Variants in GLP1R observed in about 807,000 individuals in gnomAD.
GLP1R encodes the protein glucagon like peptide 1 receptor, also known as glucagon-like peptide 1 receptor.
A neutral mutation model predicts 68.4 loss-of-function variants in GLP1R; 32 were observed. That is an observed-to-expected ratio of 0.47 (90% confidence interval 0.35 to 0.63). GLP1R has a LOEUF of 0.63. Among genes scored for constraint, GLP1R ranks in the 20% least tolerant of loss-of-function variants. The probability of loss-of-function intolerance (pLI) is 0.00; values close to 1 mark genes in which losing one functional copy is unlikely to be tolerated. For synonymous variants in GLP1R, 263 were observed against 244.4 expected (o/e 1.08, Z -0.71); for missense variants, 502 against 594.9 (o/e 0.84, Z 1.62).
At position 39,063,896 on chromosome 6, in the gene GLP1R, GTA is replaced by G. The variant is rs1491330376; in HGVS notation, c.284-1814_284-1813del. Among the ~76,000 whole-genome samples, 584 of 134,724 alleles carry G rather than the reference GTA, an allele frequency of 4.3e-3. 9 individuals are homozygous for G. The highest frequency in any genetic ancestry group is 0.016 in the African/African-American group (558 of 35,650). The allele number at this position is 134,724 out of a possible 152,430, so 88.4% of individuals were successfully genotyped here. The stretch of plus-strand genomic sequence containing the variant: ...CTGGGGCTGCCACAGTCCCCATCGT[GTA>G]CACACACACACACACACACAGACAC... On this transcript the variant is annotated intron_variant, in intron 3 of 12. Coordinates refer to ENST00000373256, the MANE Select transcript of GLP1R (RefSeq NM_002062.5).
rs759060644 is a variant in GLP1R at position 39,066,285 on chromosome 6, C to T, written c.491C>T (p.Ala164Val). Residue 164 changes from alanine to valine, a missense_variant, in exon 5 of 13, where the codon GCG (alanine) becomes GTG (valine). Transcript: ENST00000373256. ...TTCTCTGCTCTGGTTATCGCCTCTG[C>T]GATCCTCCTCGGCTTCAGGTAAGGT... The part of the protein sequence containing the change: ...LSFSALVIAS[A>V]ILLGFRHLHC... 38 of 1,606,606 alleles carry T rather than the reference C, an allele frequency of 2.4e-5. No homozygotes were observed. Among genetic ancestry groups the T allele is most frequent in the Admixed American group, 1.8e-4 (11 of 59,976 alleles).
rs557186712 is a variant in GLP1R, at chr6:39,066,314, C to G, written c.509+11C>G. 1.2e-4 allele frequency: 179 copies of G among 1,522,466 alleles called. No homozygotes were observed. The highest frequency in any genetic ancestry group is 7.0e-4 in the Admixed American group (42 of 59,750). 94.3% of individuals were successfully genotyped at this position (1,522,466 alleles called of 1,614,324 possible). ...CCTCCTCGGCTTCAGGTAAGGTGGCCCGGACCCTGGGAGGGGGCTGCTTCA... is the reference window on the plus strand; with the variant it reads ...CCTCCTCGGCTTCAGGTAAGGTGGCGCGGACCCTGGGAGGGGGCTGCTTCA... On this transcript the variant is annotated intron_variant, in intron 5 of 12. Transcript: ENST00000373256.
intron 7 of GLP1R, among the ~76,000 whole-genome samples, chr6:39,077,310 G>C (rs1768857512): frequency 6.6e-6 from 1 of 152,226 alleles, no homozygotes; most frequent in Non-Finnish European, 1.5e-5. Flanking sequence ...GAAGCAGCCA[G>C]CTGTCACCAG....
chr6:39,077,997 TC>T (rs1450641629), intron 7 of GLP1R, among the ~76,000 whole-genome samples: 1 of 152,040 alleles, frequency 6.6e-6, no homozygotes, highest in Non-Finnish European at 1.5e-5. Flanking sequence ...CATGGCCCAG[TC>T]CCGCTGCTGT....
chr6:39,081,575 C>T (rs1769014910), intron 12 of GLP1R, among the ~76,000 whole-genome samples: 1 of 152,206 alleles, frequency 6.6e-6, no homozygotes, highest in Non-Finnish European at 1.5e-5. Context: ...CCAAGGTACT[C>T]AGCTTTGGAA....
At chr6:39,067,119 T>A (rs1223594506) in intron 5 of GLP1R, among the ~76,000 whole-genome samples, 1 of 152,150 alleles carries the variant, frequency 6.6e-6, no homozygotes, top group African/African-American at 2.4e-5. Flanking sequence ...TGGGTAACCC[T>A]CTCTGATCCC....
rs1472964572 is a variant in GLP1R at position 39,088,645 on chromosome 6, G to A, written c.*2572G>A. Among the ~76,000 whole-genome samples, 2 of 152,156 alleles carry A rather than the reference G, an allele frequency of 1.3e-5. No individual in the cohort carries two copies. Among genetic ancestry groups the A allele is most frequent in the South Asian group, 4.1e-4 (2 of 4,824 alleles). On this transcript the variant is annotated 3_prime_UTR_variant, in exon 13 of 13. Coordinates refer to ENST00000373256, the MANE Select transcript of GLP1R (RefSeq NM_002062.5). ...GCTTGCATTTTGTCAATTTTTCTTT[G>A]CCATTTCAGTCTTTCAAGCAGCTGA...
rs142948442 is a variant in GLP1R, at chr6:39,088,216, G to C, written c.*2143G>C. Among the ~76,000 whole-genome samples, 1 of 151,978 alleles carries C rather than the reference G, an allele frequency of 6.6e-6. No homozygotes were observed. Among genetic ancestry groups the C allele is most frequent in the Non-Finnish European group, 1.5e-5 (1 of 67,996 alleles). ...CCCCTACACCCAAGTCTTTTAACAC[G>C]GAGGAAGTTTTTCCTTCATGAATAC... On this transcript the variant is annotated 3_prime_UTR_variant, in exon 13 of 13. Coordinates refer to ENST00000373256, the MANE Select transcript of GLP1R (RefSeq NM_002062.5).
At position 39,048,802 on chromosome 6, in the gene GLP1R, C is replaced by A. The variant is rs1035321675; in HGVS notation, c.-39C>A. 3 of 1,007,470 alleles carry A rather than the reference C, an allele frequency of 3.0e-6. No individual in the cohort carries two copies. The highest frequency in any genetic ancestry group is 3.3e-5 in the African/African-American group (2 of 59,788). The allele number at this position is 1,007,470 out of a possible 1,614,324, so 62.4% of individuals were successfully genotyped here. On this transcript the variant is annotated 5_prime_UTR_variant, in exon 1 of 13. Coordinates refer to ENST00000373256, the MANE Select transcript of GLP1R (RefSeq NM_002062.5). ...CGGGATCAGTCTCCGCACGCGGTTCCGCAGGTGGCAGCGATGGCCCAGTCC... is the reference window on the plus strand; with the variant it reads ...CGGGATCAGTCTCCGCACGCGGTTCAGCAGGTGGCAGCGATGGCCCAGTCC...
chr6:39,052,644 C>T (rs946679401), intron 1 of GLP1R, among the ~76,000 whole-genome samples: 12 of 152,290 alleles, frequency 7.9e-5, no homozygotes, highest in Admixed American at 5.9e-4. Flanking sequence ...CCCACCACCC[C>T]GGGGGCTTCC....
At chr6:39,053,190 C>T (rs753764308) in intron 1 of GLP1R, among the ~76,000 whole-genome samples, 2 of 152,212 alleles carry the variant, frequency 1.3e-5, no homozygotes, top group Non-Finnish European at 2.9e-5. Flanking sequence ...GGGACAGGGA[C>T]ATCTGGATTG....
intron 7 of GLP1R, among the ~76,000 whole-genome samples, chr6:39,075,829 C>T (rs1020746791): frequency 2.0e-5 from 3 of 152,218 alleles, no homozygotes; most frequent in Admixed American, 2.0e-4. Context: ...CTGCAGTCCC[C>T]AGGCAGTTGG....
rs1208963319 is a variant in GLP1R, at chr6:39,088,104, G to A, written c.*2031G>A. ...AGAAGTTGCTTAGTTAGGCACCTGG[G>A]AAGCTCAAATCATTTAGTTTAAACT... On this transcript the variant is annotated 3_prime_UTR_variant, in exon 13 of 13. Coordinates refer to ENST00000373256, the MANE Select transcript of GLP1R (RefSeq NM_002062.5). Among the ~76,000 whole-genome samples, 1 of 152,108 alleles carries A rather than the reference G, an allele frequency of 6.6e-6. No individual in the cohort carries two copies. Among genetic ancestry groups the A allele is most frequent in the East Asian group, 1.9e-4 (1 of 5,196 alleles).
intron 12 of GLP1R, among the ~76,000 whole-genome samples, 179 bp from the exon 13 acceptor site, chr6:39,085,727 A>G (rs970000012): frequency 2.0e-5 from 3 of 152,228 alleles, no homozygotes; most frequent in African/African-American, 7.2e-5. Context: ...TGCAGAAAAT[A>G]GGAGACAACA....
intron 1 of GLP1R, among the ~76,000 whole-genome samples, chr6:39,050,835 G>A (rs766631528): frequency 1.3e-5 from 2 of 152,172 alleles, no homozygotes; most frequent in Admixed American, 1.3e-4. Context: ...CCTGTATAAA[G>A]TAGCCCAGCA....
intron 4 of GLP1R, 63 bp downstream of exon 4, chr6:39,065,892 A>ATGT: frequency 1.0e-6 from 1 of 986,670 alleles, no homozygotes; most frequent in African/African-American, 1.6e-5. Flanking sequence ...ACTTCACTGG[A>ATGT]GCAAAGACCC....
In GLP1R at chr6:39,072,863, C is replaced by T. The variant is rs768340419; in HGVS notation, c.511C>T (p.His171Tyr). ...IASAILLGFRHLHCTRNYIHL... is the reference protein window; with the variant it reads ...IASAILLGFRYLHCTRNYIHL... ...GAAAGGCCCTGCTTTCTCCCTCAGA[C>T]ACCTGCACTGCACCAGGAACTACAT... The change falls in exon 6 of 13, where the codon CAC (histidine) becomes TAC (tyrosine). Residue 171 changes from histidine to tyrosine, a missense_variant and splice_region_variant. Coordinates refer to ENST00000373256, the MANE Select transcript of GLP1R (RefSeq NM_002062.5). 35 of 1,613,254 alleles carry T rather than the reference C, an allele frequency of 2.2e-5. No homozygotes were observed. Among genetic ancestry groups the T allele is most frequent in the Non-Finnish European group, 2.7e-5 (32 of 1,179,512 alleles).
In GLP1R at chr6:39,079,609, T is replaced by A; in HGVS notation, c.1089T>A (p.His363Gln). Reference protein sequence around the residue: ...TLTLIPLLGTHEVIFAFVMDE... With the variant: ...TLTLIPLLGTQEVIFAFVMDE... Reference sequence around the variant, plus strand: ...CACTCATCCCCCTGCTGGGGACTCATGAGGTCATCTTTGCCTTTGTGATGG... The same window carrying A: ...CACTCATCCCCCTGCTGGGGACTCAAGAGGTCATCTTTGCCTTTGTGATGG... The change falls in exon 11 of 13, where the codon CAT becomes CAA. Residue 363 changes from histidine to glutamine, a missense_variant. By Grantham distance (24) the His-to-Gln change is conservative (BLOSUM62 0). Coordinates refer to ENST00000373256, the MANE Select transcript of GLP1R (RefSeq NM_002062.5). This position sits in a 1 kb window ranked among gnomAD's most constrained non-coding sequence, Gnocchi z 4.5. 3 of 1,610,406 alleles carry A rather than the reference T, an allele frequency of 1.9e-6. No homozygotes were observed. The highest frequency in any genetic ancestry group is 2.5e-6 in the Non-Finnish European group (3 of 1,178,222).
At position 39,087,861 on chromosome 6, in the gene GLP1R, C is replaced by A. The variant is rs1769188966; in HGVS notation, c.*1788C>A. On this transcript the variant is annotated 3_prime_UTR_variant, in exon 13 of 13. Transcript: ENST00000373256. ...ATGGGCAGGGGGGCGTTCCTGCTTC[C>A]CCAGAACAAGGGCAGGCTTCCCAAA... 1 of 152,068 alleles carries A rather than the reference C, an allele frequency of 6.6e-6. No individual in the cohort carries two copies. The highest frequency in any genetic ancestry group is 2.4e-5 in the African/African-American group (1 of 41,386). The allele number at this position is 152,068 out of a possible 1,614,324, so 9.4% of individuals were successfully genotyped here. A position where few individuals can be genotyped will look rare whatever the true frequency, so the allele number is the denominator to read the frequency against.
Sources: allele counts gnomAD v4.1 joint callset (sites outside exome capture counted in the v4.1 genomes callset), GRCh38; gene constraint gnomAD v4.1.1; non-coding constraint Gnocchi (gnomAD v3.1); transcripts MANE v1.5; gene names NCBI Gene and HGNC (gene_info 2026-07-23, HGNC 2026-07-21).